The following CSMD1 variants were observed in gnomAD, a reference collection of about 807,000 sequenced individuals.
CSMD1 encodes CUB and Sushi multiple domains 1.
Under a neutral mutation model 417.5 loss-of-function variants are expected in CSMD1, and 213 were observed. That is an observed-to-expected ratio of 0.51 (90% CI 0.46 to 0.57). CSMD1 has a LOEUF of 0.57. Among genes scored for constraint, CSMD1 ranks in the 20% least tolerant of loss-of-function variants. The pLI, the probability that CSMD1 is intolerant of heterozygous loss-of-function variation, is 0.00. For missense variants in CSMD1, 6,923 were observed against 4,529.7 expected (o/e 1.53, Z -15.17); for synonymous variants, 2,862 against 1,736.8 (o/e 1.65, Z -16.11).
At chr8:3,027,480 T>A (rs1159826006) in intron 51 of CSMD1, among the ~76,000 whole-genome samples, 2 of 152,196 alleles carry the variant, frequency 1.3e-5, no homozygotes, top group African/African-American at 2.4e-5. Context: ...TGTCACAACC[T>A]GAGCTACAGA....
intron 5 of CSMD1, among the ~76,000 whole-genome samples, chr8:3,760,548 G>A (rs911072735): frequency 6.6e-6 from 1 of 152,066 alleles, no homozygotes; most frequent in South Asian, 2.1e-4. Context: ...TTCTCCGATG[G>A]GATATAAGGG....
At chr8:4,434,674 G>C (rs989794785) in intron 2 of CSMD1, among the ~76,000 whole-genome samples, 3 of 152,124 alleles carry the variant, frequency 2.0e-5, no homozygotes, top group Non-Finnish European at 4.4e-5. Context: ...TTTACTTTTT[G>C]ACTGGAAAGG....
rs116831320 is a variant in CSMD1 at position 4,612,346 on chromosome 8, G to A, written c.302+24996C>T. ...CCCACTTTACTTAGGAGCACTTTCAGAATTGAAAAAAAACAAGAGGAATGG... is the reference window on the plus strand; with the variant it reads ...CCCACTTTACTTAGGAGCACTTTCAAAATTGAAAAAAAACAAGAGGAATGG... On this transcript the variant is annotated intron_variant, in intron 2 of 69. Coordinates refer to ENST00000635120, the MANE Select transcript of CSMD1 (RefSeq NM_033225.6). 2.5e-3 allele frequency among the ~76,000 whole-genome samples: 359 copies of A among 144,340 alleles called. 2 individuals are homozygous for A. Among genetic ancestry groups the A allele is most frequent in the African/African-American group, 9.4e-3 (340 of 36,212 alleles). The allele number at this position is 144,340 out of a possible 152,430, so 94.7% of individuals were successfully genotyped here.
At chr8:3,435,174 C>T (rs1814470139) in intron 12 of CSMD1, among the ~76,000 whole-genome samples, 1 of 152,160 alleles carries the variant, frequency 6.6e-6, no homozygotes, top group Non-Finnish European at 1.5e-5. Context: ...AATGAGAAGT[C>T]AGAGGGCAAA....
At chr8:4,761,210 G>A (rs773479481) in intron 1 of CSMD1, among the ~76,000 whole-genome samples, 2 of 152,150 alleles carry the variant, frequency 1.3e-5, no homozygotes, top group African/African-American at 4.8e-5. Context: ...GTCTACCAGA[G>A]TAGCCAGGAG....
intron 49 of CSMD1, among the ~76,000 whole-genome samples, chr8:3,061,556 C>T (rs779923929): frequency 2.6e-5 from 4 of 152,070 alleles, no homozygotes; most frequent in Non-Finnish European, 5.9e-5. Context: ...CCACAGTTGG[C>T]CAGGGGTTGA....
At chr8:3,554,185 G>C (rs1048437768) in intron 10 of CSMD1, among the ~76,000 whole-genome samples, 23 of 152,198 alleles carry the variant, frequency 1.5e-4, no homozygotes, top group African/African-American at 4.3e-4. Flanking sequence ...AGTTTTTAAT[G>C]GATATAGCCA....
intron 1 of CSMD1, among the ~76,000 whole-genome samples, chr8:4,670,213 T>A (rs1805208460): frequency 6.6e-6 from 1 of 152,244 alleles, no homozygotes; most frequent in Non-Finnish European, 1.5e-5. Context: ...TGCTATGCCT[T>A]CTCTCATGTT....
rs1800366911 is a variant in CSMD1 at position 3,252,758 on chromosome 8, CAG to C, written c.4154-22529_4154-22528del. ...TTTCAGAGCCTGTTATTCGTCTCTT[CAG>C]AGATTCAACTTCTTCCTCGTTTAGT... On this transcript the variant is annotated intron_variant, in intron 26 of 69. Coordinates refer to ENST00000635120, the MANE Select transcript of CSMD1 (RefSeq NM_033225.6). 2.6e-5 allele frequency among the ~76,000 whole-genome samples: 4 copies of C among 152,184 alleles called. No homozygotes were observed. The South Asian group carries it at 8.3e-4, about 32-fold the overall frequency.
rs561585891 is a variant in CSMD1 at position 3,531,778 on chromosome 8, A to T, written c.1345-38052T>A. ...AGAGCAGCCTGGAAGATCGGGCTGCAAACATAGATAAGCAAGCTAGAAGCT... is the reference window on the plus strand; with the variant it reads ...AGAGCAGCCTGGAAGATCGGGCTGCTAACATAGATAAGCAAGCTAGAAGCT... On this transcript the variant is annotated intron_variant, in intron 10 of 69. Transcript: ENST00000635120. Among the ~76,000 whole-genome samples, 50 of 152,370 alleles carry T rather than the reference A, an allele frequency of 3.3e-4. 1 individual carries two copies. In the South Asian group the frequency reaches 9.7e-3, roughly 30 times the overall value.
chr8:3,106,248 T>C (rs1816131342), intron 46 of CSMD1, among the ~76,000 whole-genome samples: 1 of 142,886 alleles, frequency 7.0e-6, no homozygotes, highest in African/African-American at 2.5e-5. Context: ...AATCCAAAAA[T>C]TAGCCAGGCA....
intron 7 of CSMD1, among the ~76,000 whole-genome samples, chr8:3,617,264 T>G (rs1802188085): frequency 6.6e-6 from 1 of 152,214 alleles, no homozygotes; most frequent in Admixed American, 6.5e-5. Flanking sequence ...TTGAAGTGCT[T>G]ATCATTGAAC....
intron 3 of CSMD1, among the ~76,000 whole-genome samples, chr8:4,180,254 A>C (rs1025888128): frequency 1.3e-5 from 2 of 152,244 alleles, no homozygotes; most frequent in East Asian, 3.9e-4. Context: ...GCAATAAAAA[A>C]TGATGAGTTC....
chr8:3,963,516 A>C (rs1812466364), intron 5 of CSMD1, among the ~76,000 whole-genome samples: 1 of 152,224 alleles, frequency 6.6e-6, no homozygotes, highest in Non-Finnish European at 1.5e-5. Flanking sequence ...ACATTTTAAA[A>C]TTCAGAAAAT....
At chr8:4,182,123 C>G (rs909858474) in intron 3 of CSMD1, among the ~76,000 whole-genome samples, 2 of 151,418 alleles carry the variant, frequency 1.3e-5, no homozygotes, top group Admixed American at 6.6e-5. Flanking sequence ...CTTAAACACA[C>G]CAAAAGAAGA....
rs139890322 is a variant in CSMD1, at chr8:3,423,560, T to C, written c.1562-13955A>G. ...CTCCACTGTGTGGCTTTGGCACCATTTGTCTATCTTATCACCAGCTGACTC... is the reference window on the plus strand; with the variant it reads ...CTCCACTGTGTGGCTTTGGCACCATCTGTCTATCTTATCACCAGCTGACTC... On this transcript the variant is annotated intron_variant, in intron 12 of 69. Coordinates refer to ENST00000635120, the MANE Select transcript of CSMD1 (RefSeq NM_033225.6). Among the ~76,000 whole-genome samples, 483 of 152,278 alleles carry C rather than the reference T, an allele frequency of 3.2e-3. 1 individual carries two copies. Among genetic ancestry groups the C allele is most frequent in the African/African-American group, 0.011 (470 of 41,554 alleles).
chr8:3,003,597 G>T (rs988458690), intron 52 of CSMD1, among the ~76,000 whole-genome samples: 1 of 152,154 alleles, frequency 6.6e-6, no homozygotes, highest in Non-Finnish European at 1.5e-5. Flanking sequence ...ATTTCATGAT[G>T]ATTTGTTGTG....
intron 1 of CSMD1, among the ~76,000 whole-genome samples, chr8:4,748,144 G>A (rs1043693161): frequency 6.6e-6 from 1 of 152,076 alleles, no homozygotes; most frequent in Non-Finnish European, 1.5e-5. Context: ...CCAACTCACA[G>A]AGAAAACCCA....
intron 3 of CSMD1, among the ~76,000 whole-genome samples, chr8:4,229,184 T>A (rs934104430): frequency 6.6e-6 from 1 of 152,194 alleles, no homozygotes; most frequent in Non-Finnish European, 1.5e-5. Flanking sequence ...AGTCAACTTG[T>A]ATTCCTCCTT....
Sources: gnomAD v4.1 joint callset for allele counts (sites outside exome capture counted in the v4.1 genomes callset) on GRCh38, gnomAD v4.1.1 for gene constraint, MANE v1.5 for transcripts, NCBI Gene and HGNC (gene_info 2026-07-23, HGNC 2026-07-21) for gene names.